PTPRT: variants seen among roughly 807,000 people sequenced by gnomAD.
The protein encoded by PTPRT is receptor-type tyrosine-protein phosphatase T.
A neutral mutation model predicts 176.8 loss-of-function variants in PTPRT; 56 were observed. That is an observed-to-expected ratio of 0.32 (90% CI 0.26 to 0.40). PTPRT has a LOEUF of 0.40. Among genes scored for constraint, PTPRT ranks in the 10% least tolerant of loss-of-function variants. The probability of loss-of-function intolerance (pLI) is 1.00; values close to 1 mark genes in which losing one functional copy is unlikely to be tolerated. For missense variants in PTPRT, 1,540 were observed against 1,908.2 expected, an observed-to-expected ratio of 0.81 and a Z score of 3.60; for synonymous variants, 783 against 739.0, an observed-to-expected ratio of 1.06 and a Z score of -0.96.
At chr20:42,685,239 G>A (rs559546357) in intron 6 of PTPRT, among the ~76,000 whole-genome samples, 83 of 152,280 alleles carry the variant, frequency 5.5e-4, no homozygotes, top group Admixed American at 9.2e-4. Flanking sequence ...TCTGAAGAAC[G>A]CAGAGAAGAA....
At chr20:42,660,145 A>C (rs1049522413) in intron 7 of PTPRT, among the ~76,000 whole-genome samples, 3 of 152,242 alleles carry the variant, frequency 2.0e-5, no homozygotes, top group Non-Finnish European at 4.4e-5. Flanking sequence ...ATGCAAGAGC[A>C]GGTGGTGCTG....
chr20:42,622,914 A>G (rs11697778), intron 7 of PTPRT, among the ~76,000 whole-genome samples: 32,487 of 152,150 alleles, frequency 0.21, 4,672 homozygotes, highest in African/African-American at 0.41. Context: ...CTGTTTTTGC[A>G]TCCAAAAAGT....
chr20:42,133,729 G>A lies in PTPRT; in HGVS notation c.2771-4899C>T, dbSNP rs145298239. 8.6e-3 allele frequency among the ~76,000 whole-genome samples: 1,310 copies of A among 152,314 alleles called. 13 individuals carry two copies. Among genetic ancestry groups the A allele is most frequent in the Non-Finnish European group, 0.015 (1,011 of 68,038 alleles). ...TAAATCAATATTAGCTAATTGTAAT[G>A]AATGTACCACACTAATGCAAGATGT... On this transcript the variant is annotated intron_variant, in intron 18 of 30. Coordinates refer to ENST00000373187, the MANE Select transcript of PTPRT (RefSeq NM_007050.6).
intron 15 of PTPRT, among the ~76,000 whole-genome samples, chr20:42,218,975 A>G (rs2055827463): frequency 1.3e-5 from 2 of 152,224 alleles, no homozygotes; most frequent in Admixed American, 6.5e-5. Flanking sequence ...GGCGTTTGCA[A>G]TGGAGATTCA....
chr20:43,012,421 G>T (rs1215044028), intron 1 of PTPRT, among the ~76,000 whole-genome samples: 1 of 152,178 alleles, frequency 6.6e-6, no homozygotes, highest in African/African-American at 2.4e-5. Flanking sequence ...ACTAGAGGCT[G>T]AGGGGAGTGG....
At chr20:42,895,947 T>C (rs562648359) in intron 1 of PTPRT, among the ~76,000 whole-genome samples, 3 of 152,308 alleles carry the variant, frequency 2.0e-5, no homozygotes, top group East Asian at 1.9e-4. Flanking sequence ...CATGTGCTAC[T>C]GACCCTCTCC....
the PTPRT span, among the ~76,000 whole-genome samples, chr20:42,059,333 T>C: frequency 6.6e-6 from 1 of 152,084 alleles, no homozygotes; most frequent in Admixed American, 6.6e-5. Flanking sequence ...ACCATATTGG[T>C]ATGTGTAAGC....
intron 7 of PTPRT, among the ~76,000 whole-genome samples, chr20:42,591,387 C>A (rs1364141860): frequency 6.6e-6 from 1 of 152,148 alleles, no homozygotes; most frequent in Non-Finnish European, 1.5e-5. Flanking sequence ...TCTATAGCTT[C>A]TTGAACCTCT....
chr20:42,448,128 A>T, intron 9 of PTPRT, 92 bp downstream of exon 9: 1 of 993,950 alleles, frequency 1.0e-6, no homozygotes, highest in Non-Finnish European at 1.6e-6. Flanking sequence ...ACTCACCTTT[A>T]TACGTTCAGC....
At chr20:42,126,861 T>C (rs1987885156) in intron 19 of PTPRT, among the ~76,000 whole-genome samples, 1 of 152,228 alleles carries the variant, frequency 6.6e-6, no homozygotes, top group Non-Finnish European at 1.5e-5. Context: ...TGCTCTGGGC[T>C]GGAGAAAAGC....
At chr20:42,858,431 G>A (rs1487027463) in intron 2 of PTPRT, among the ~76,000 whole-genome samples, 1 of 152,178 alleles carries the variant, frequency 6.6e-6, no homozygotes, top group African/African-American at 2.4e-5. Context: ...TCATCCGAAT[G>A]TTTGTGGAGG....
At chr20:42,193,044 G>C (rs772768804) in intron 16 of PTPRT, among the ~76,000 whole-genome samples, 2 of 152,208 alleles carry the variant, frequency 1.3e-5, no homozygotes, top group Non-Finnish European at 2.9e-5. Flanking sequence ...TAGAGAGACC[G>C]CTAAAGGTCA....
intron 16 of PTPRT, among the ~76,000 whole-genome samples, chr20:42,187,460 T>C (rs748497922): frequency 6.6e-5 from 10 of 152,222 alleles, no homozygotes; most frequent in Non-Finnish European, 1.5e-4. Flanking sequence ...CAGAGAATTA[T>C]GGAAATGGTG....
At chr20:42,609,823 T>A (rs754667832) in intron 7 of PTPRT, among the ~76,000 whole-genome samples, 1 of 152,162 alleles carries the variant, frequency 6.6e-6, no homozygotes, top group African/African-American at 2.4e-5. Context: ...TGATGGGCAA[T>A]TGGATAAACA....
chr20:42,789,754 C>T (rs761294903), intron 3 of PTPRT, among the ~76,000 whole-genome samples: 4 of 152,100 alleles, frequency 2.6e-5, no homozygotes, highest in Non-Finnish European at 4.4e-5. Flanking sequence ...ATATGTATGG[C>T]AAAAATCCAG....
Position 42,541,434 on chromosome 20 carries a change from G to A in PTPRT, c.1154-68872C>T, listed in dbSNP as rs76557291. ...TTAGAAGTAGACAAAATTACAGCAT[G>A]GATTTAGGATATAATAAAGGTGGAA... On this transcript the variant is annotated intron_variant, in intron 7 of 30. Transcript: ENST00000373187. Among the ~76,000 whole-genome samples the A allele has an allele frequency of 6.3e-3, 953 of 151,908 alleles. 15 individuals carry two copies. Among genetic ancestry groups the A allele is most frequent in the African/African-American group, 0.022 (910 of 41,412 alleles).
chr20:42,863,767 T>C (rs2078700238), intron 2 of PTPRT, among the ~76,000 whole-genome samples: 1 of 152,204 alleles, frequency 6.6e-6, no homozygotes, highest in African/African-American at 2.4e-5. Context: ...AAAGCTGGTC[T>C]TGCTGTAAAG....
rs192125997 is a variant in PTPRT at position 42,252,853 on chromosome 20, A to C, written c.2177-4031T>G. 4.5e-3 allele frequency among the ~76,000 whole-genome samples: 690 copies of C among 152,366 alleles called. 3 individuals are homozygous for C. The highest frequency in any genetic ancestry group is 6.9e-3 in the Non-Finnish European group (472 of 68,036). On this transcript the variant is annotated intron_variant, in intron 13 of 30. Transcript: ENST00000373187. ...AATGAGTTCAGCCAACAGGCAGCAGAGCTGAAATCACAGACTTTACACAGG... is the reference window on the plus strand; with the variant it reads ...AATGAGTTCAGCCAACAGGCAGCAGCGCTGAAATCACAGACTTTACACAGG...
chr20:42,651,112 G>GTTCT lies in PTPRT; in HGVS notation c.1153+26750_1153+26753dup, dbSNP rs200907623. Reference sequence around the variant, plus strand: ...TCTGAATGGTGTCAGATTATAAAGGGTTCTATAAACAAAAAGCATTTTGAT... The same window carrying GTTCT: ...TCTGAATGGTGTCAGATTATAAAGGGTTCTTTCTATAAACAAAAAGCATTTTGAT... On this transcript the variant is annotated intron_variant, in intron 7 of 30. Coordinates refer to ENST00000373187, the MANE Select transcript of PTPRT (RefSeq NM_007050.6). Among the ~76,000 whole-genome samples, 650 of 152,134 alleles carry GTTCT rather than the reference G, an allele frequency of 4.3e-3. 6 individuals carry two copies. Among genetic ancestry groups the GTTCT allele is most frequent in the African/African-American group, 0.015 (611 of 41,530 alleles).
Sources: allele counts gnomAD v4.1 joint callset (sites outside exome capture counted in the v4.1 genomes callset), GRCh38; gene constraint gnomAD v4.1.1; transcripts MANE v1.5; gene names NCBI Gene and HGNC (gene_info 2026-07-23, HGNC 2026-07-21).